The following APBA1 variants were observed in gnomAD, a reference collection of about 807,000 sequenced individuals.
APBA1 encodes amyloid beta precursor protein binding family A member 1, also known as amyloid-beta A4 precursor protein-binding family A member 1.
In APBA1, 55 loss-of-function variants were observed where a neutral mutation model predicts 86.6. The observed-to-expected ratio is 0.64, with a 90% CI of 0.51 to 0.80. The LOEUF (loss-of-function observed/expected upper bound fraction) is 0.80, where lower values mean the gene tolerates loss of function less well. Ranked by LOEUF, APBA1 falls within the 30% of genes least tolerant of loss-of-function variation. The pLI, the probability that APBA1 is intolerant of heterozygous loss-of-function variation, is 0.00. For missense variants in APBA1, 1,090 were observed against 1,183.0 expected, an observed-to-expected ratio of 0.92 and a Z score of 1.15; for synonymous variants, 511 against 493.9, an observed-to-expected ratio of 1.03 and a Z score of -0.46.
intron 1 of APBA1, among the ~76,000 whole-genome samples, chr9:69,564,195 G>C (rs910839910): frequency 1.5e-4 from 23 of 152,180 alleles, no homozygotes; most frequent in African/African-American, 5.6e-4. Context: ...TTAATCTGAA[G>C]AGCCCTGGAA....
intron 1 of APBA1, among the ~76,000 whole-genome samples, chr9:69,568,232 C>G (rs1457311616): frequency 7.9e-5 from 12 of 152,102 alleles, no homozygotes; most frequent in Admixed American, 7.2e-4. Context: ...AGCTCCTAAC[C>G]AGAGTTGGCC....
chr9:69,550,231 G>C (rs1836764057), intron 1 of APBA1, among the ~76,000 whole-genome samples: 1 of 152,090 alleles, frequency 6.6e-6, no homozygotes, highest in Non-Finnish European at 1.5e-5. Context: ...TATTAACTTA[G>C]GGATGCAGTG....
rs924007482 is a variant in APBA1, at chr9:69,649,634, C to T, written c.-70+22519G>A. Among the ~76,000 whole-genome samples, 5 of 152,160 alleles carry T rather than the reference C, an allele frequency of 3.3e-5. No individual in the cohort carries two copies. In the East Asian group the frequency reaches 7.7e-4, roughly 23 times the overall value. ...CTCCATGTGCTCTGCTCCCATCCAC[C>T]CCCGGGGCCTTGCATGGGGCTGACA... On this transcript the variant is annotated intron_variant, in intron 1 of 12. Transcript: ENST00000265381.
intron 2 of APBA1, among the ~76,000 whole-genome samples, chr9:69,487,311 C>T (rs1835627681): frequency 6.6e-6 from 1 of 152,022 alleles, no homozygotes; most frequent in Admixed American, 6.5e-5. Flanking sequence ...AACCCAGATC[C>T]CTGCCTCCCC....
At chr9:69,565,462 G>A (rs1047218699) in intron 1 of APBA1, among the ~76,000 whole-genome samples, 3 of 152,046 alleles carry the variant, frequency 2.0e-5, no homozygotes, top group South Asian at 2.1e-4. Flanking sequence ...CAGTGCTCCC[G>A]ACTGTGTCCC....
intron 1 of APBA1, among the ~76,000 whole-genome samples, chr9:69,607,624 A>G (rs971859778): frequency 5.3e-5 from 8 of 152,360 alleles, no homozygotes; most frequent in African/African-American, 1.9e-4. Flanking sequence ...ATTCATAAAT[A>G]AAACCACATA....
At chr9:69,473,696 TA>T (rs956268328) in intron 3 of APBA1, among the ~76,000 whole-genome samples, 2 of 151,650 alleles carry the variant, frequency 1.3e-5, no homozygotes, top group African/African-American at 2.4e-5. Context: ...TTAAAAAAAT[TA>T]AAAAAAAGAT....
intron 1 of APBA1, among the ~76,000 whole-genome samples, chr9:69,616,758 A>G (rs1385383965): frequency 6.6e-6 from 1 of 152,232 alleles, no homozygotes; most frequent in Non-Finnish European, 1.5e-5. Context: ...ATTAGACCAC[A>G]CCAGGACAGG....
At chr9:69,640,588 T>C (rs1460028201) in intron 1 of APBA1, among the ~76,000 whole-genome samples, 1 of 152,026 alleles carries the variant, frequency 6.6e-6, no homozygotes, top group Non-Finnish European at 1.5e-5. Context: ...GTTATATATA[T>C]TACATAACAG....
chr9:69,582,794 C>T (rs767564098), intron 1 of APBA1, among the ~76,000 whole-genome samples: 2 of 152,130 alleles, frequency 1.3e-5, no homozygotes, highest in Non-Finnish European at 1.5e-5. Flanking sequence ...CAGTTCCTTC[C>T]GCTATGAAAG....
chr9:69,451,484 C>T (rs1835007826), intron 9 of APBA1, among the ~76,000 whole-genome samples: 1 of 152,212 alleles, frequency 6.6e-6, no homozygotes, highest in Non-Finnish European at 1.5e-5. Flanking sequence ...GCCCATCTAT[C>T]TCCTTTCCTG....
rs918374505 is a variant in APBA1, at chr9:69,493,538, C to T, written c.1201-17395G>A. Among the ~76,000 whole-genome samples the T allele has an allele frequency of 1.6e-4, 24 of 152,022 alleles. 1 individual carries two copies. Among genetic ancestry groups the T allele is most frequent in the Non-Finnish European group, 3.2e-4 (22 of 68,038 alleles). On this transcript the variant is annotated intron_variant, in intron 2 of 12. Transcript: ENST00000265381. ...TACCATTCTTAAGGTGCCTCACTGTCTCCCTTCTATTTTATAAAGATATAA... is the reference window on the plus strand; with the variant it reads ...TACCATTCTTAAGGTGCCTCACTGTTTCCCTTCTATTTTATAAAGATATAA...
chr9:69,648,098 T>C (rs1823425920), intron 1 of APBA1, among the ~76,000 whole-genome samples: 1 of 152,220 alleles, frequency 6.6e-6, no homozygotes, highest in South Asian at 2.1e-4. Context: ...GATGAAGGGC[T>C]GGTTACCTGT....
chr9:69,597,550 C>T (rs1022593096), intron 1 of APBA1, among the ~76,000 whole-genome samples: 4 of 152,170 alleles, frequency 2.6e-5, no homozygotes, highest in Non-Finnish European at 5.9e-5. Flanking sequence ...GCTTTTGCTG[C>T]CATTGCTTTT....
intron 1 of APBA1, among the ~76,000 whole-genome samples, chr9:69,518,263 C>T (rs1360079424): frequency 1.3e-5 from 2 of 152,104 alleles, no homozygotes; most frequent in Non-Finnish European, 2.9e-5. Context: ...GGAGGATGTG[C>T]ATAGATCATA....
chr9:69,569,690 C>G (rs1458186878), intron 1 of APBA1, among the ~76,000 whole-genome samples: 1 of 152,142 alleles, frequency 6.6e-6, no homozygotes, highest in African/African-American at 2.4e-5. Context: ...AAACAGAAAA[C>G]TTTGTCTGCA....
intron 2 of APBA1, among the ~76,000 whole-genome samples, chr9:69,514,869 T>C (rs1011548763): frequency 6.6e-6 from 1 of 152,272 alleles, no homozygotes; most frequent in African/African-American, 2.4e-5. Flanking sequence ...ATTGCATCAC[T>C]GCACTCCAGC....
chr9:69,445,107 G>A (rs964788622), intron 10 of APBA1, among the ~76,000 whole-genome samples: 2 of 152,192 alleles, frequency 1.3e-5, no homozygotes, highest in African/African-American at 2.4e-5. Context: ...TACAGAAAAT[G>A]TTACCCAACA....
intron 1 of APBA1, among the ~76,000 whole-genome samples, chr9:69,668,311 A>G (rs1823881098): frequency 6.6e-6 from 1 of 152,060 alleles, no homozygotes; most frequent in South Asian, 2.1e-4. Context: ...TCTGAAAATG[A>G]CCCAACTGCT....
Sources: gnomAD v4.1 joint callset for allele counts (sites outside exome capture counted in the v4.1 genomes callset) on GRCh38, gnomAD v4.1.1 for gene constraint, MANE v1.5 for transcripts, NCBI Gene and HGNC (gene_info 2026-07-23, HGNC 2026-07-21) for gene names.